The following CIMAP1A variants were observed in gnomAD, a reference collection of about 807,000 sequenced individuals.
CIMAP1A encodes the protein cancer/testis antigen 135.
At chr11:199,498 A>G in the CIMAP1A span, 1 of 1,555,622 alleles carries the variant, frequency 6.4e-7, no homozygotes, top group Non-Finnish European at 8.7e-7. Context: ...AGGCGCCCAC[A>G]GCCCTGAGAA....
At chr11:200,010 C>A in the CIMAP1A span, 3 of 1,614,066 alleles carry the variant, frequency 1.9e-6, no homozygotes, top group Non-Finnish European at 2.5e-6. Flanking sequence ...TTACATGACT[C>A]CCCTGCTGGT....
At chr11:199,588 A>G in the CIMAP1A span, 3 of 1,036,770 alleles carry the variant, frequency 2.9e-6, no homozygotes, top group Admixed American at 4.4e-5. Context: ...AAGAGCAGGG[A>G]GGGGGGCTGG....
At chr11:197,192 G>A in the CIMAP1A span, 1 of 703,536 alleles carries the variant, frequency 1.4e-6, no homozygotes, top group Non-Finnish European at 2.3e-6. Context: ...GGTTCCGCAG[G>A]TCTTACCCTT....
At chr11:198,232 T>C in the CIMAP1A span, 1 of 1,613,906 alleles carries the variant, frequency 6.2e-7, no homozygotes, top group African/African-American at 1.3e-5. Context: ...ACCAAGTACG[T>C]GTTCGACTCA....
the CIMAP1A span, chr11:199,671 G>GGGGGGGGGGA: frequency 1.3e-6 from 1 of 760,596 alleles, no homozygotes; most frequent in Non-Finnish European, 1.8e-6. Context: ...GTGGGGTGGG[G>GGGGGGGGGGA]ATGGGAGGCA....
chr11:197,756 G>A, the CIMAP1A span: 4 of 1,613,380 alleles, frequency 2.5e-6, no homozygotes, highest in Admixed American at 5.0e-5. Context: ...CTGACTCCTG[G>A]TCCAGGTTAG....
chr11:197,914 G>C, the CIMAP1A span: 7 of 1,494,378 alleles, frequency 4.7e-6, no homozygotes, highest in Non-Finnish European at 6.2e-6. Context: ...GGTCACCATC[G>C]TGCCTGGGCA....
chr11:199,718 G>A, the CIMAP1A span: 14 of 1,435,110 alleles, frequency 9.8e-6, no homozygotes, highest in Non-Finnish European at 1.1e-5. Flanking sequence ...TCCAGCACTA[G>A]GCCCACAGGT....
chr11:197,447 G>A, the CIMAP1A span: 3 of 1,594,728 alleles, frequency 1.9e-6, no homozygotes, highest in Non-Finnish European at 2.6e-6. Flanking sequence ...AGAGGGTCAG[G>A]AGCCAGGCGG....
At chr11:197,539 T>A in the CIMAP1A span, 1 of 1,611,666 alleles carries the variant, frequency 6.2e-7, no homozygotes, top group Non-Finnish European at 8.5e-7. Flanking sequence ...TCCGGGCTGC[T>A]CAGGGCCCAT....
the CIMAP1A span, chr11:198,137 C>A: frequency 1.3e-6 from 2 of 1,577,176 alleles, no homozygotes; most frequent in African/African-American, 1.4e-5. Context: ...CCTCCTTGAG[C>A]CCCCAAACTG....
At chr11:200,187 C>CTATGCTA in the CIMAP1A span, 1 of 647,688 alleles carries the variant, frequency 1.5e-6, no homozygotes. Context: ...TACTTTTTTT[C>CTATGCTA]TATGCTATTT....
chr11:197,398 A>G, the CIMAP1A span: 6 of 1,601,916 alleles, frequency 3.7e-6, no homozygotes, highest in Non-Finnish European at 5.1e-6. Context: ...CAAGTACCTG[A>G]TTCCACCAAC....
the CIMAP1A span, chr11:198,922 G>A: frequency 8.3e-7 from 1 of 1,209,748 alleles, no homozygotes; most frequent in Non-Finnish European, 1.0e-6. Flanking sequence ...GCTATTTGGG[G>A]GAGGAGGGTC....
At chr11:197,984 T>C in the CIMAP1A span, 2 of 1,534,010 alleles carry the variant, frequency 1.3e-6, no homozygotes, top group Non-Finnish European at 1.7e-6. Flanking sequence ...CAGGCCGACG[T>C]CAGACCCCAC....
the CIMAP1A span, chr11:198,072 T>C: frequency 1.3e-6 from 2 of 1,546,952 alleles, no homozygotes; most frequent in South Asian, 1.2e-5. Context: ...CTGACCCGAC[T>C]TGGTCACCAC....
chr11:199,100 C>A, the CIMAP1A span: 26 of 1,331,216 alleles, frequency 2.0e-5, no homozygotes, highest in Admixed American at 6.4e-5. Context: ...CTCTCTCACA[C>A]ACGCTCAGCG....
the CIMAP1A span, chr11:197,811 C>T: frequency 1.3e-6 from 2 of 1,587,336 alleles, no homozygotes; most frequent in South Asian, 1.1e-5. Flanking sequence ...CAGGCCTGCC[C>T]CTCCCTGCTG....
the CIMAP1A span, chr11:199,514 A>G: frequency 6.4e-7 from 1 of 1,552,736 alleles, no homozygotes; most frequent in Middle Eastern, 1.7e-4. Context: ...GAGAAGGTCC[A>G]GGAAGAGCAC....
Sources: allele counts gnomAD v4.1 joint callset, GRCh38; gene constraint gnomAD v4.1.1; transcripts MANE v1.5; gene names NCBI Gene and HGNC (gene_info 2026-07-23, HGNC 2026-07-21).